The following RHOQ variants were observed in gnomAD, a reference collection of about 807,000 sequenced individuals.
RHOQ encodes the protein rho-related GTP-binding protein RhoQ.
RHOQ carries 7 observed loss-of-function variants against 25.8 expected under a neutral mutation model. The observed-to-expected ratio is 0.27, with a 90% CI of 0.15 to 0.51. RHOQ has a LOEUF of 0.51. Ranked by LOEUF, RHOQ falls within the 20% of genes least tolerant of loss-of-function variation. The pLI is 0.97. For missense variants in RHOQ, 165 were observed against 260.6 expected (o/e 0.63, Z 2.53); for synonymous variants, 97 against 98.6 (o/e 0.98, Z 0.10).
In RHOQ at chr2:46,569,063, A is replaced by G. The variant is rs1485769847; in HGVS notation, c.202-7024A>G. The G allele has an allele frequency of 6.6e-6, 1 of 152,210 alleles. No individual in the cohort carries two copies. The highest frequency in any genetic ancestry group is 2.4e-5 in the African/African-American group (1 of 41,440). The allele number at this position is 152,210 out of a possible 1,614,324, so 9.4% of individuals were successfully genotyped here. On this transcript the variant is annotated intron_variant, in intron 2 of 4. Coordinates refer to ENST00000238738, the MANE Select transcript of RHOQ (RefSeq NM_012249.4). This position sits in a 1 kb window ranked among gnomAD's most constrained non-coding sequence, Gnocchi z 4.1. Reference sequence around the variant, plus strand: ...GGAATTTCAGCTCTAAATCCTTTACAACTGGGGAAGTCACCTCACCATGCA... The same window carrying G: ...GGAATTTCAGCTCTAAATCCTTTACGACTGGGGAAGTCACCTCACCATGCA...
intron 2 of RHOQ, among the ~76,000 whole-genome samples, chr2:46,565,484 G>A (rs1273196871): frequency 6.6e-6 from 1 of 152,226 alleles, no homozygotes; most frequent in Non-Finnish European, 1.5e-5. Context: ...CTCCTATTAA[G>A]AGCTCACATT....
chr2:46,573,560 GTCC>G (rs1251249217), intron 2 of RHOQ, among the ~76,000 whole-genome samples: 3 of 152,198 alleles, frequency 2.0e-5, no homozygotes, highest in Non-Finnish European at 4.4e-5. Context: ...TGGTCCAATT[GTCC>G]TCCTTTGTGC....
rs1221169161 is a variant in RHOQ, at chr2:46,581,228, G to A, written c.*145G>A. On this transcript the variant is annotated 3_prime_UTR_variant, in exon 5 of 5. Coordinates refer to ENST00000238738, the MANE Select transcript of RHOQ (RefSeq NM_012249.4). ...ACCTGTCCTCAGAATTCTATAAAGTGTATTAAGAATGTTCCTTAAAGGTTT... is the reference window on the plus strand; with the variant it reads ...ACCTGTCCTCAGAATTCTATAAAGTATATTAAGAATGTTCCTTAAAGGTTT... The A allele has an allele frequency of 3.0e-6, 3 of 984,350 alleles. No individual in the cohort carries two copies. In the African/African-American group the frequency reaches 4.9e-5, roughly 16 times the overall value. 61.0% of individuals were successfully genotyped at this position (984,350 alleles called of 1,614,324 possible). A position where few individuals can be genotyped will look rare whatever the true frequency, so the allele number is the denominator to read the frequency against.
At chr2:46,553,894 C>G (rs746449212) in intron 2 of RHOQ, among the ~76,000 whole-genome samples, 1 of 152,038 alleles carries the variant, frequency 6.6e-6, no homozygotes, top group African/African-American at 2.4e-5. Context: ...TTTTTTTGTA[C>G]CCATTAACCA....
At chr2:46,565,101 T>G (rs903740074) in intron 2 of RHOQ, among the ~76,000 whole-genome samples, 25 of 152,274 alleles carry the variant, frequency 1.6e-4, no homozygotes, top group African/African-American at 5.8e-4. Flanking sequence ...GGAGCTACGT[T>G]GGACAAGCCA....
intron 2 of RHOQ, among the ~76,000 whole-genome samples, chr2:46,558,324 A>G (rs988447598): frequency 1.3e-5 from 2 of 152,164 alleles, no homozygotes; most frequent in Non-Finnish European, 2.9e-5. Flanking sequence ...TGGAATGTAT[A>G]TTTTATTAGT....
rs1669111773 is a variant in RHOQ at position 46,576,030 on chromosome 2, A to C, written c.202-57A>C. On this transcript the variant is annotated intron_variant, in intron 2 of 4. Transcript: ENST00000238738. The surrounding 1 kb of genome is among the most constrained non-coding windows in gnomAD (Gnocchi z 5.1). ...TTTGACCATGTAATCTAATGTACAT[A>C]TTACTAGTAAACAATAGAAATGTAA... The C allele has an allele frequency of 1.4e-6, 2 of 1,455,128 alleles. No individual in the cohort carries two copies. Among genetic ancestry groups the C allele is most frequent in the African/African-American group, 2.9e-5 (2 of 70,030 alleles). The allele number at this position is 1,455,128 out of a possible 1,614,324, so 90.1% of individuals were successfully genotyped here.
At chr2:46,550,133 T>G (rs1039296539) in intron 2 of RHOQ, among the ~76,000 whole-genome samples, 1 of 151,706 alleles carries the variant, frequency 6.6e-6, no homozygotes, top group African/African-American at 2.4e-5. Flanking sequence ...CTCAGGAGGC[T>G]GAGGTGGGAG....
At position 46,566,578 on chromosome 2, in the gene RHOQ, C is replaced by T. The variant is rs1402331563; in HGVS notation, c.202-9509C>T. On this transcript the variant is annotated intron_variant, in intron 2 of 4. Transcript: ENST00000238738. The surrounding 1 kb of genome is among the most constrained non-coding windows in gnomAD (Gnocchi z 4.2). ...GCCTGACTGCCTAATTCATTCTTCT[C>T]AAAGTAGCCTGGATTATCGTTTTCA... is the stretch of plus-strand genomic sequence containing the variant. 7.9e-5 allele frequency among the ~76,000 whole-genome samples: 12 copies of T among 152,180 alleles called. No individual in the cohort carries two copies. The highest frequency in any genetic ancestry group is 6.5e-5 in the Admixed American group (1 of 15,276).
chr2:46,545,095 C>T (rs1198070897), intron 2 of RHOQ, among the ~76,000 whole-genome samples: 9 of 152,182 alleles, frequency 5.9e-5, no homozygotes, highest in Admixed American at 3.3e-4. Context: ...AGTTCAAGGT[C>T]CCTGAGACCA....
chr2:46,557,887 G>T (rs986601827), intron 2 of RHOQ, among the ~76,000 whole-genome samples: 1 of 152,128 alleles, frequency 6.6e-6, no homozygotes, highest in East Asian at 1.9e-4. Context: ...CCACCTTTCT[G>T]TAGGAGCTAT....
chr2:46,571,810 T>C (rs762785086), intron 2 of RHOQ, among the ~76,000 whole-genome samples: 8 of 152,250 alleles, frequency 5.3e-5, no homozygotes, highest in Non-Finnish European at 8.8e-5. Flanking sequence ...GTGAGTGTTT[T>C]TATTTAAGAA....
At chr2:46,563,681 G>A (rs1385309357) in intron 2 of RHOQ, among the ~76,000 whole-genome samples, 2 of 152,074 alleles carry the variant, frequency 1.3e-5, no homozygotes, top group South Asian at 2.1e-4. Context: ...GGGTAATTCT[G>A]CAAGAATTTT....
At chr2:46,543,658 T>G in intron 1 of RHOQ, 96 bp from the exon 2 acceptor site, 1 of 1,077,344 alleles carries the variant, frequency 9.3e-7, no homozygotes, top group Admixed American at 2.0e-5. Context: ...CGCCTCTAGC[T>G]GGGTTGGGAG....
At chr2:46,547,675 T>A (rs1668115643) in intron 2 of RHOQ, among the ~76,000 whole-genome samples, 1 of 152,034 alleles carries the variant, frequency 6.6e-6, no homozygotes, top group African/African-American at 2.4e-5. Context: ...GTTTTGGGGG[T>A]GAGGGGTTGG....
chr2:46,559,366 G>A (rs550297560), intron 2 of RHOQ, among the ~76,000 whole-genome samples: 3 of 152,192 alleles, frequency 2.0e-5, no homozygotes, highest in African/African-American at 7.2e-5. Context: ...CAAATTTTTT[G>A]TCTCTCTGTG....
chr2:46,549,371 G>A (rs868617810), intron 2 of RHOQ, among the ~76,000 whole-genome samples: 6 of 152,232 alleles, frequency 3.9e-5, no homozygotes, highest in Middle Eastern at 3.4e-3. Context: ...GGGCTTTTGC[G>A]GTTTTGTTGT....
At chr2:46,543,915 C>T (rs1261153232) in intron 2 of RHOQ, 103 bp downstream of exon 2, 53 of 878,546 alleles carry the variant, frequency 6.0e-5, no homozygotes, top group Non-Finnish European at 8.8e-5. Context: ...GAGGGTGTGT[C>T]TGCGACGGGC....
intron 2 of RHOQ, among the ~76,000 whole-genome samples, chr2:46,568,051 G>A (rs961683785): frequency 5.3e-5 from 8 of 152,072 alleles, no homozygotes; most frequent in African/African-American, 9.7e-5. Flanking sequence ...CCTGGGTGAC[G>A]GAGTAAAACC....
Sources: gnomAD v4.1 joint callset for allele counts (sites outside exome capture counted in the v4.1 genomes callset) on GRCh38, gnomAD v4.1.1 for gene constraint, Gnocchi (gnomAD v3.1) non-coding constraint, MANE v1.5 for transcripts, NCBI Gene and HGNC (gene_info 2026-07-23, HGNC 2026-07-21) for gene names.